The following TLCD4 variants were observed in gnomAD, a reference collection of about 807,000 sequenced individuals.
TLCD4 encodes the protein TLC domain containing 4, also known as TLC domain-containing protein 4.
In TLCD4, 7 loss-of-function variants were observed where a neutral mutation model predicts 24.2. That is an observed-to-expected ratio of 0.29 (90% CI 0.16 to 0.54). The LOEUF is 0.54. Among genes scored for constraint, TLCD4 ranks in the 20% least tolerant of loss-of-function variants. The pLI, the probability that TLCD4 is intolerant of heterozygous loss-of-function variation, is 0.95. For synonymous variants in TLCD4, 103 were observed against 106.4 expected, an observed-to-expected ratio of 0.97 and a Z score of 0.20; for missense variants, 259 against 313.9, an observed-to-expected ratio of 0.82 and a Z score of 1.32.
intron 1 of TLCD4, among the ~76,000 whole-genome samples, chr1:95,134,849 A>C (rs1677000669): frequency 6.6e-6 from 1 of 152,200 alleles, no homozygotes; most frequent in Non-Finnish European, 1.5e-5. Context: ...CTAGGTGCAC[A>C]CCATATGCTG....
At chr1:95,183,399 C>T (rs571077492) in intron 6 of TLCD4, among the ~76,000 whole-genome samples, 33 of 146,582 alleles carry the variant, frequency 2.3e-4, no homozygotes, top group Admixed American at 1.9e-3. Context: ...GAATTTAGTG[C>T]GGAGATATTG....
the TLCD4 span, among the ~76,000 whole-genome samples, chr1:95,103,583 G>A: frequency 6.6e-6 from 1 of 152,152 alleles, no homozygotes; most frequent in Non-Finnish European, 1.5e-5. Flanking sequence ...CTTTACTGTT[G>A]TAATGGTACA....
At chr1:95,187,877 TCTC>T (rs1678879941) in intron 6 of TLCD4, among the ~76,000 whole-genome samples, 1 of 151,924 alleles carries the variant, frequency 6.6e-6, no homozygotes, top group African/African-American at 2.4e-5. Flanking sequence ...GTGAGGCGCC[TCTC>T]CTCTTCTTGC....
the TLCD4 span, among the ~76,000 whole-genome samples, chr1:95,101,689 C>A: frequency 1.4e-4 from 21 of 152,300 alleles, no homozygotes; most frequent in African/African-American, 4.8e-4. Context: ...GTGAAAAACA[C>A]TGCTTTGAAC....
chr1:95,177,952 T>TTTTTTTTTTG (rs1557695931), intron 6 of TLCD4, among the ~76,000 whole-genome samples: 1 of 92,352 alleles, frequency 1.1e-5, no homozygotes. Flanking sequence ...TTTTTTTTTG[T>TTTTTTTTTTG]TTTTTTTTGT....
In TLCD4 at chr1:95,150,192, C is replaced by CTT. The variant is rs78715623; in HGVS notation, c.246-5_246-4dup. On this transcript the variant is annotated splice_polypyrimidine_tract_variant and intron_variant, in intron 3 of 6. Transcript: ENST00000370203. The stretch of plus-strand genomic sequence containing the variant: ...CAATCTATATACTTTAAAAAGGAAC[C>CTT]TTTTTTTTTTTTCAGGGGTGGTCCA... The CTT allele has an allele frequency of 1.2e-3, 1,598 of 1,308,678 alleles. No individual in the cohort carries two copies. The highest frequency in any genetic ancestry group is 8.0e-3 in the East Asian group (311 of 38,934). The allele number at this position is 1,308,678 out of a possible 1,614,324, so 81.1% of individuals were successfully genotyped here.
At chr1:95,140,932 TG>T (rs1180189313) in intron 1 of TLCD4, among the ~76,000 whole-genome samples, 1 of 152,222 alleles carries the variant, frequency 6.6e-6, no homozygotes, top group Non-Finnish European at 1.5e-5. Flanking sequence ...CTTGGTTTTC[TG>T]GGGAAATTTG....
chr1:95,170,824 CTTATTT>C (rs1185416894), intron 5 of TLCD4, among the ~76,000 whole-genome samples: 1 of 152,074 alleles, frequency 6.6e-6, no homozygotes, highest in Non-Finnish European at 1.5e-5. Flanking sequence ...GAACATTTCT[CTTATTT>C]TACTTTACTT....
intron 6 of TLCD4, among the ~76,000 whole-genome samples, chr1:95,175,241 G>A (rs1678380308): frequency 6.6e-6 from 1 of 152,074 alleles, no homozygotes; most frequent in Non-Finnish European, 1.5e-5. Flanking sequence ...TCTACTTTCT[G>A]TTTCTATGAT....
chr1:95,168,289 C>T (rs1039435531), intron 5 of TLCD4, among the ~76,000 whole-genome samples: 5 of 152,096 alleles, frequency 3.3e-5, no homozygotes, highest in Non-Finnish European at 7.3e-5. Flanking sequence ...CCTATTGCTC[C>T]TTAGTTTGCA....
At chr1:95,169,498 A>T (rs1298838632) in intron 5 of TLCD4, among the ~76,000 whole-genome samples, 2 of 152,212 alleles carry the variant, frequency 1.3e-5, no homozygotes, top group Non-Finnish European at 2.9e-5. Context: ...ACTTAATGAA[A>T]ATCATGAAGT....
the TLCD4 span, among the ~76,000 whole-genome samples, chr1:95,101,483 G>C: frequency 7.0e-6 from 1 of 143,866 alleles, no homozygotes; most frequent in Non-Finnish European, 1.5e-5. Context: ...ATGTCACTCA[G>C]GCTGGTCTCA....
chr1:95,099,509 G>C, the TLCD4 span, among the ~76,000 whole-genome samples: 1 of 152,220 alleles, frequency 6.6e-6, no homozygotes, highest in South Asian at 2.1e-4. Context: ...GTAGTTATTT[G>C]TTTAAGTCCT....
intron 1 of TLCD4, among the ~76,000 whole-genome samples, chr1:95,119,318 A>G (rs1269248172): frequency 6.6e-6 from 1 of 152,108 alleles, no homozygotes; most frequent in African/African-American, 2.4e-5. Context: ...ATTTTCTGAA[A>G]TCTCCACTGG....
Position 95,195,796 on chromosome 1 carries a change from A to G in TLCD4, c.*3928A>G, listed in dbSNP as rs1679186009. ...ATCTGGAGTTAGAGGAGGCATTGAG[A>G]GTGCTTTTCCCTTAAACGCCGTGAT... On this transcript the variant is annotated 3_prime_UTR_variant, in exon 7 of 7. Coordinates refer to ENST00000370203, the MANE Select transcript of TLCD4 (RefSeq NM_152487.3). 1 of 152,186 alleles carries G rather than the reference A, an allele frequency of 6.6e-6. No individual in the cohort carries two copies. The highest frequency in any genetic ancestry group is 2.1e-4 in the South Asian group (1 of 4,834). The allele number at this position is 152,186 out of a possible 1,614,324, so 9.4% of individuals were successfully genotyped here.
the TLCD4 span, among the ~76,000 whole-genome samples, chr1:95,098,855 A>G: frequency 1.3e-5 from 2 of 152,164 alleles, no homozygotes; most frequent in African/African-American, 2.4e-5. Flanking sequence ...ACCTGAGGTC[A>G]GGAGTTCAAG....
At chr1:95,144,100 T>C (rs1677286151) in intron 2 of TLCD4, 44 bp downstream of exon 2, 1 of 1,332,268 alleles carries the variant, frequency 7.5e-7, no homozygotes, top group African/African-American at 1.5e-5. Context: ...AACTAGTTTA[T>C]GAGATAAAAT....
chr1:95,146,094 A>G (rs12039183), intron 2 of TLCD4, among the ~76,000 whole-genome samples: 40,471 of 151,792 alleles, frequency 0.27, 8,291 homozygotes, highest in East Asian at 0.62. Context: ...GTAAACACAC[A>G]TAATTCTTTC....
At chr1:95,105,763 C>T in the TLCD4 span, among the ~76,000 whole-genome samples, 2 of 151,726 alleles carry the variant, frequency 1.3e-5, no homozygotes, top group African/African-American at 4.8e-5. Flanking sequence ...GACGTGGTGG[C>T]GGGTGCCTGT....
Sources: gnomAD v4.1 joint callset for allele counts (sites outside exome capture counted in the v4.1 genomes callset) on GRCh38, gnomAD v4.1.1 for gene constraint, MANE v1.5 for transcripts, NCBI Gene and HGNC (gene_info 2026-07-23, HGNC 2026-07-21) for gene names.